ZNF582: variants seen among roughly 807,000 people sequenced by gnomAD.
The protein encoded by ZNF582 is zinc finger protein 582.
In ZNF582, 14 loss-of-function variants were observed where a neutral mutation model predicts 12.3. The observed-to-expected ratio is 1.14, with a 90% CI of 0.75 to 1.78. The LOEUF is 1.78. Among genes scored for constraint, ZNF582 ranks in the 40% most tolerant of loss-of-function variants. The pLI, the probability that ZNF582 is intolerant of heterozygous loss-of-function variation, is 0.00. For missense variants in ZNF582, 567 were observed against 616.5 expected, an observed-to-expected ratio of 0.92 and a Z score of 0.85; for synonymous variants, 210 against 207.2, an observed-to-expected ratio of 1.01 and a Z score of -0.11.
chr19:56,390,617 G>T, intron 2 of ZNF582, 116 bp from the exon 3 acceptor site: 1 of 1,067,064 alleles, frequency 9.4e-7, no homozygotes, highest in Non-Finnish European at 1.4e-6. Context: ...AGAAGGGTGG[G>T]ACTGAATGTG....
exon 5 of ZNF582, chr19:56,385,036 C>T (rs562824658): frequency 6.2e-7 from 1 of 1,614,162 alleles, no homozygotes; most frequent in African/African-American, 1.3e-5. Context: ...GTCTGTCAAA[C>T]TGGTTTCTGC....
intron 2 of ZNF582, 88 bp downstream of exon 2, chr19:56,391,656 A>G (rs1020531534): frequency 2.5e-6 from 3 of 1,215,598 alleles, no homozygotes; most frequent in Non-Finnish European, 3.6e-6. Context: ...CTAAAATGGG[A>G]AAGTCTGAGA....
rs34681249 is a variant in ZNF582 at position 56,392,726 on chromosome 19, A to AC, written c.-81+493_-81+494insG. On this transcript the variant is annotated intron_variant, in intron 1 of 4. Transcript: ENST00000586929. ...CAGGCTAAAAACAAAACAAAACAAA[A>AC]AAATTGGAAGAAAAAACACCCAAGT... Among the ~76,000 whole-genome samples, 162 of 151,536 alleles carry AC rather than the reference A, an allele frequency of 1.1e-3. 3 individuals carry two copies. The highest frequency in any genetic ancestry group is 3.5e-4 in the Non-Finnish European group (24 of 67,636).
exon 5 of ZNF582, chr19:56,383,815 T>C (rs375979929): frequency 6.6e-7 from 1 of 1,506,758 alleles, no homozygotes; most frequent in African/African-American, 1.4e-5. Context: ...CATTACATTC[T>C]TCAAGTCTTT....
chr19:56,390,050 G>T (rs989117253), exon 4 of ZNF582: 2 of 1,613,788 alleles, frequency 1.2e-6, no homozygotes, highest in Non-Finnish European at 1.7e-6. Flanking sequence ...AGGGCTCTTT[G>T]CCTTGCTCTA....
intron 4 of ZNF582, among the ~76,000 whole-genome samples, chr19:56,388,864 G>A (rs919200512): frequency 2.0e-5 from 3 of 152,096 alleles, no homozygotes; most frequent in Non-Finnish European, 4.4e-5. Context: ...TGATTTGGCC[G>A]CCTCAGCCTC....
At chr19:56,389,100 T>C (rs1392146331) in intron 4 of ZNF582, among the ~76,000 whole-genome samples, 1 of 152,220 alleles carries the variant, frequency 6.6e-6, no homozygotes, top group Non-Finnish European at 1.5e-5. Context: ...GAAGAGGCCA[T>C]TGGCCCTACC....
At chr19:56,385,956 T>G (rs1362073068) in intron 4 of ZNF582, among the ~76,000 whole-genome samples, 1 of 152,164 alleles carries the variant, frequency 6.6e-6, no homozygotes, top group Admixed American at 6.5e-5. Context: ...CCATAAATTA[T>G]GCCCCCAAAA....
At chr19:56,385,299 GC>G (rs2041957312) in intron 4 of ZNF582, 115 bp from the exon 5 acceptor site, 3 of 1,091,056 alleles carry the variant, frequency 2.7e-6, no homozygotes, top group Non-Finnish European at 3.8e-6. Context: ...ATGTAGCTAA[GC>G]AATTATAAAA....
chr19:56,393,226 G>C (rs759784561), exon 1 of ZNF582: 1 of 1,256,850 alleles, frequency 8.0e-7, no homozygotes, highest in African/African-American at 1.6e-5. Flanking sequence ...CCACCTAAGG[G>C]GTCCATGCAC....
chr19:56,384,837 T>C lies in ZNF582; in HGVS notation c.580A>G (p.Thr194Ala), dbSNP rs771273890. Residue 194 changes from threonine (T) to alanine (A), a missense_variant, in exon 5 of 5, where the codon ACT becomes GCT. Coordinates refer to ENST00000586929, the Ensembl canonical transcript of ZNF582. ...TTACATTTATAGGGTTTCTCATTAG[T>C]ATAAATTCCTTGATGATTAATAAGG... 4 of 1,606,478 alleles carry C rather than the reference T, an allele frequency of 2.5e-6. No individual in the cohort carries two copies. In the African/African-American group the frequency reaches 5.4e-5, roughly 22 times the overall value.
At chr19:56,390,350 AAACT>A in intron 3 of ZNF582, 21 bp downstream of exon 3, 1 of 1,614,086 alleles carries the variant, frequency 6.2e-7, no homozygotes, top group African/African-American at 1.3e-5. Flanking sequence ...GATAACCTCC[AAACT>A]AACAGACGAG....
exon 5 of ZNF582, chr19:56,383,904 T>G (rs2041938917): frequency 1.2e-6 from 2 of 1,602,342 alleles, no homozygotes; most frequent in East Asian, 4.5e-5. Context: ...TTCATATGGT[T>G]GCTTGCCAAC....
chr19:56,384,760 A>C (rs1456091383), exon 5 of ZNF582: 1 of 1,600,878 alleles, frequency 6.2e-7, no homozygotes. Context: ...CAGAATGAAT[A>C]TTCTCATGTT....
At chr19:56,393,244 A>T (rs1203933559) in exon 1 of ZNF582, 17 of 1,251,566 alleles carry the variant, frequency 1.4e-5, no homozygotes, top group Non-Finnish European at 1.7e-5. Context: ...CACCTGGGCT[A>T]TGAGGCTGGA....
In ZNF582 at chr19:56,390,105, G is replaced by C; in HGVS notation, c.137-9C>G. 2 of 1,613,142 alleles carry C rather than the reference G, an allele frequency of 1.2e-6. No individual in the cohort carries two copies. The highest frequency in any genetic ancestry group is 1.7e-6 in the Non-Finnish European group (2 of 1,179,530). ...TTTGGAAACGGCAAGACCTGGAGAT[G>C]AGAAGAAACATGCCACCTGGTTATG... On this transcript the variant is annotated splice_polypyrimidine_tract_variant and intron_variant, in intron 3 of 4. Coordinates refer to ENST00000586929, the Ensembl canonical transcript of ZNF582.
exon 5 of ZNF582, chr19:56,384,484 A>G (rs2041946821): frequency 4.4e-6 from 7 of 1,607,954 alleles, no homozygotes; most frequent in Non-Finnish European, 5.9e-6. Context: ...CCTTGCATGC[A>G]TAGGGTTTTT....
chr19:56,389,921 G>T, intron 4 of ZNF582, 80 bp downstream of exon 4: 1 of 1,164,472 alleles, frequency 8.6e-7, no homozygotes, highest in Non-Finnish European at 1.3e-6. Flanking sequence ...CTGCAGGGAA[G>T]ATCTTCTAAG....
At chr19:56,383,716 T>C in exon 5 of ZNF582, 1 of 926,612 alleles carries the variant, frequency 1.1e-6, no homozygotes, top group East Asian at 3.0e-5. Flanking sequence ...AATTATGATC[T>C]GAACAATTTA....
Sources: gnomAD v4.1 joint callset for allele counts (sites outside exome capture counted in the v4.1 genomes callset) on GRCh38, gnomAD v4.1.1 for gene constraint, MANE v1.5 for transcripts, NCBI Gene and HGNC (gene_info 2026-07-23, HGNC 2026-07-21) for gene names.